Variants in ZFHX3 observed in about 807,000 individuals in gnomAD.
ZFHX3 encodes zinc finger homeobox protein 3.
In ZFHX3, 42 loss-of-function variants were observed where a neutral mutation model predicts 279.1. The observed-to-expected ratio is 0.15, with a 90% CI of 0.12 to 0.19. The LOEUF (loss-of-function observed/expected upper bound fraction) is 0.19, where lower values mean the gene tolerates loss of function less well. Among genes scored for constraint, ZFHX3 ranks in the 10% least tolerant of loss-of-function variants. The probability of loss-of-function intolerance (pLI) is 1.00; values close to 1 mark genes in which losing one functional copy is unlikely to be tolerated. For missense variants in ZFHX3, 4,981 were observed against 4,754.0 expected, an observed-to-expected ratio of 1.05 and a Z score of -1.40; for synonymous variants, 2,293 against 1,957.8, an observed-to-expected ratio of 1.17 and a Z score of -4.52.
At chr16:73,587,194 T>C (rs2051936619) in intron 2 of ZFHX3, among the ~76,000 whole-genome samples, 1 of 152,206 alleles carries the variant, frequency 6.6e-6, no homozygotes, top group African/African-American at 2.4e-5. Flanking sequence ...ATAGAAGCTA[T>C]TTCACAAATT....
At chr16:73,422,159 A>T (rs969259040) in intron 3 of ZFHX3, among the ~76,000 whole-genome samples, 2 of 152,088 alleles carry the variant, frequency 1.3e-5, no homozygotes, top group Non-Finnish European at 2.9e-5. Context: ...AAGCCCAAGA[A>T]GATAATTCAT....
chr16:73,369,131 AT>A (rs1484440444), intron 3 of ZFHX3, among the ~76,000 whole-genome samples: 1 of 152,224 alleles, frequency 6.6e-6, no homozygotes, highest in Non-Finnish European at 1.5e-5. Context: ...TTCTATTGTC[AT>A]TATTGTCTCC....
chr16:73,775,526 C>T, intron 1 of ZFHX3, among the ~76,000 whole-genome samples: 1 of 152,112 alleles, frequency 6.6e-6, no homozygotes, highest in East Asian at 1.9e-4. Context: ...GGAGGCAATG[C>T]TATTTCCTTC....
chr16:73,398,856 G>GAT (rs2017186449), intron 3 of ZFHX3, among the ~76,000 whole-genome samples: 1 of 151,160 alleles, frequency 6.6e-6, no homozygotes, highest in Non-Finnish European at 1.5e-5. Flanking sequence ...AGTGGCAGTG[G>GAT]TTTTTTTTGT....
At chr16:73,798,742 T>C (rs1056087569) in intron 1 of ZFHX3, among the ~76,000 whole-genome samples, 2 of 151,404 alleles carry the variant, frequency 1.3e-5, no homozygotes, top group Non-Finnish European at 3.0e-5. Context: ...AGCACAAGTG[T>C]GGGGCCAGGG....
chr16:73,037,328 G>T (rs545408926), intron 1 of ZFHX3, among the ~76,000 whole-genome samples: 1 of 152,126 alleles, frequency 6.6e-6, no homozygotes, highest in African/African-American at 2.4e-5. Context: ...TAAGAAAAGC[G>T]GTTTTTAGGG....
chr16:73,701,135 G>A (rs1192958742), intron 1 of ZFHX3, among the ~76,000 whole-genome samples: 3 of 152,092 alleles, frequency 2.0e-5, no homozygotes, highest in Non-Finnish European at 4.4e-5. Flanking sequence ...GGAAAATAAT[G>A]AACAAATACC....
chr16:73,723,612 A>G (rs1197527315), intron 1 of ZFHX3, among the ~76,000 whole-genome samples: 1 of 152,232 alleles, frequency 6.6e-6, no homozygotes, highest in Admixed American at 6.5e-5. Context: ...TCACATAAAA[A>G]TAGGACTGGG....
At chr16:73,310,588 G>C (rs2143162989) in intron 4 of ZFHX3, among the ~76,000 whole-genome samples, 1 of 152,156 alleles carries the variant, frequency 6.6e-6, no homozygotes, top group Non-Finnish European at 1.5e-5. Context: ...ACATCTAATA[G>C]GTAGAGGCAA....
chr16:73,391,818 T>A (rs537624843), intron 3 of ZFHX3, among the ~76,000 whole-genome samples: 8 of 152,102 alleles, frequency 5.3e-5, no homozygotes, highest in Non-Finnish European at 1.2e-4. Flanking sequence ...GAATGCCCAA[T>A]ATATCTGGAT....
At position 73,740,526 on chromosome 16, in the gene ZFHX3, C is replaced by A. The variant is rs556872481; in HGVS notation, c.-1607-60286G>T. Reference sequence around the variant, plus strand: ...CTCTTTGGCCCTTTGCTTCTCAAATCATAAGAAAAAGAAAAAAAATGCCAC... The same window carrying A: ...CTCTTTGGCCCTTTGCTTCTCAAATAATAAGAAAAAGAAAAAAAATGCCAC... On this transcript the variant is annotated intron_variant, in intron 1 of 17. Transcript: ENST00000641206. Among the ~76,000 whole-genome samples the A allele has an allele frequency of 3.3e-5, 5 of 151,978 alleles. No homozygotes were observed. The East Asian group carries it at 9.7e-4, about 29-fold the overall frequency.
intron 2 of ZFHX3, among the ~76,000 whole-genome samples, chr16:73,581,659 CTTTTTTTTTTT>C (rs11286052): frequency 1.9e-4 from 14 of 73,428 alleles, no homozygotes; most frequent in South Asian, 4.2e-4. Context: ...TCGAATGTCT[CTTTTTTTTTTT>C]TTTTTTTTTT....
chr16:73,764,291 A>G (rs1400210576), intron 1 of ZFHX3, among the ~76,000 whole-genome samples: 1 of 152,058 alleles, frequency 6.6e-6, no homozygotes, highest in African/African-American at 2.4e-5. Flanking sequence ...TCAACCTCAA[A>G]TCAGGTTTCT....
At chr16:73,435,334 A>G (rs1002363379) in intron 3 of ZFHX3, among the ~76,000 whole-genome samples, 2 of 151,986 alleles carry the variant, frequency 1.3e-5, no homozygotes, top group African/African-American at 4.8e-5. Context: ...TCAGCCTCCT[A>G]AGTAGCTGGG....
At chr16:73,351,506 A>G (rs2143287824) in intron 3 of ZFHX3, among the ~76,000 whole-genome samples, 1 of 152,270 alleles carries the variant, frequency 6.6e-6, no homozygotes, top group East Asian at 1.9e-4. Context: ...TCACTTGGGA[A>G]CCTGTTTCTT....
intron 6 of ZFHX3, chr16:73,134,517 T>C (rs74604774): frequency 6.6e-6 from 1 of 151,290 alleles, no homozygotes; most frequent in African/African-American, 2.4e-5. Flanking sequence ...TTTTTTTTTT[T>C]AGATATGGGG....
At chr16:73,474,122 C>T (rs766672184) in intron 2 of ZFHX3, among the ~76,000 whole-genome samples, 12 of 150,920 alleles carry the variant, frequency 8.0e-5, no homozygotes, top group East Asian at 2.0e-4. Context: ...TCTGGATTCT[C>T]GCTCTTTTTT....
rs566430711 is a variant in ZFHX3, at chr16:73,566,100, C to G, written c.-1546-109842G>C. ...ACTAGCCTGAGGCTCCCAGAGCACCCTCTCCTGGTGCAGCCTCATCTCTCT... is the reference window on the plus strand; with the variant it reads ...ACTAGCCTGAGGCTCCCAGAGCACCGTCTCCTGGTGCAGCCTCATCTCTCT... On this transcript the variant is annotated intron_variant, in intron 2 of 17. Transcript: ENST00000641206. Among the ~76,000 whole-genome samples, 13 of 152,312 alleles carry G rather than the reference C, an allele frequency of 8.5e-5. No homozygotes were observed. The East Asian group carries it at 2.1e-3, about 25-fold the overall frequency.
chr16:72,988,079 C>T (rs28566678), intron 1 of ZFHX3, among the ~76,000 whole-genome samples: 3,207 of 152,214 alleles, frequency 0.021, 109 homozygotes, highest in African/African-American at 0.073. Context: ...AAAAACATAC[C>T]CTAAGAACAA....
Sources: gnomAD v4.1 joint callset for allele counts (sites outside exome capture counted in the v4.1 genomes callset) on GRCh38, gnomAD v4.1.1 for gene constraint, MANE v1.5 for transcripts, NCBI Gene and HGNC (gene_info 2026-07-23, HGNC 2026-07-21) for gene names.